The following PPFIA2 variants were observed in gnomAD, a reference collection of about 807,000 sequenced individuals.
PPFIA2 encodes the protein liprin-alpha-2.
Under a neutral mutation model 175.5 loss-of-function variants are expected in PPFIA2, and 46 were observed. The observed-to-expected ratio is 0.26, with a 90% CI of 0.21 to 0.34. The LOEUF is 0.34. Ranked by LOEUF, PPFIA2 falls within the 10% of genes least tolerant of loss-of-function variation. The pLI, the probability that PPFIA2 is intolerant of heterozygous loss-of-function variation, is 1.00. For synonymous variants in PPFIA2, 568 were observed against 511.4 expected, an observed-to-expected ratio of 1.11 and a Z score of -1.49; for missense variants, 1,179 against 1,506.1, an observed-to-expected ratio of 0.78 and a Z score of 3.60.
intron 24 of PPFIA2, 178 bp from the exon 25 acceptor site, chr12:81,284,481 A>C (rs1258070266): frequency 1.9e-6 from 1 of 527,400 alleles, no homozygotes; most frequent in East Asian, 2.8e-5. Flanking sequence ...TGTTTCTTCT[A>C]CTCAAAAAGA....
At chr12:81,695,397 A>C (rs925353971) in intron 3 of PPFIA2, among the ~76,000 whole-genome samples, 12 of 152,136 alleles carry the variant, frequency 7.9e-5, no homozygotes, top group African/African-American at 2.6e-4. Flanking sequence ...TGGTCATTTA[A>C]AATGTGGCAC....
At chr12:81,739,570 A>G (rs2082079832) in intron 3 of PPFIA2, among the ~76,000 whole-genome samples, 2 of 152,064 alleles carry the variant, frequency 1.3e-5, no homozygotes, top group South Asian at 4.1e-4. Context: ...CAATTCAATT[A>G]CCAATTTTTT....
rs1468391664 is a variant in PPFIA2 at position 81,353,301 on chromosome 12, T to A, written c.1812A>T (p.Gln604His). The A allele has an allele frequency of 4.3e-6, 7 of 1,613,578 alleles. No homozygotes were observed. The highest frequency in any genetic ancestry group is 5.9e-6 in the Non-Finnish European group (7 of 1,179,750). ...GGTGGCTGCTTAGTACTCCAATCTG[T>A]TGAGTTCTATTCCACTCGTGATCCC... Reference protein sequence around the residue: ...SLGDHEWNRTQQIGVLSSHPF... With the variant: ...SLGDHEWNRTHQIGVLSSHPF... The change falls in exon 17 of 33, where the codon CAA becomes CAT. Residue 604 changes from glutamine to histidine, a missense_variant. By Grantham distance (24) the Gln-to-His change is conservative. This residue lies in a region of PPFIA2 where 186 missense variants were observed against 163.6 expected (regional missense o/e 1.14). Coordinates refer to ENST00000549396, the MANE Select transcript of PPFIA2 (RefSeq NM_003625.5).
At chr12:81,432,148 T>C (rs2048203848) in intron 7 of PPFIA2, among the ~76,000 whole-genome samples, 1 of 152,190 alleles carries the variant, frequency 6.6e-6, no homozygotes, top group Non-Finnish European at 1.5e-5. Flanking sequence ...CTTTAAGTAC[T>C]ACTCAATGGC....
Position 81,520,842 on chromosome 12 carries a change from GGA to G in PPFIA2, c.304-62978_304-62977del, listed in dbSNP as rs554825503. The stretch of plus-strand genomic sequence containing the variant: ...ATCAGTGACAGTGCATGTGTCAAGA[GGA>G]GAGAGAGAGTAAGTAGGCAGGATTT... On this transcript the variant is annotated intron_variant, in intron 4 of 32. Coordinates refer to ENST00000549396, the MANE Select transcript of PPFIA2 (RefSeq NM_003625.5). 2.2e-4 allele frequency among the ~76,000 whole-genome samples: 34 copies of G among 152,232 alleles called. No individual in the cohort carries two copies. In the South Asian group the frequency reaches 6.6e-3, roughly 30 times the overall value.
intron 4 of PPFIA2, among the ~76,000 whole-genome samples, chr12:81,527,400 T>C (rs1340112407): frequency 6.6e-6 from 1 of 152,124 alleles, no homozygotes; most frequent in Non-Finnish European, 1.5e-5. Context: ...TAAAATTCTT[T>C]GAAGAAGTTG....
chr12:81,565,610 T>G (rs1241252557), intron 4 of PPFIA2, among the ~76,000 whole-genome samples: 3 of 152,162 alleles, frequency 2.0e-5, no homozygotes. Flanking sequence ...AGAAAAATAT[T>G]TTAATGAGGA....
chr12:81,292,776 A>T (rs1035943142), intron 24 of PPFIA2: 1 of 152,078 alleles, frequency 6.6e-6, no homozygotes, highest in Non-Finnish European at 1.5e-5. Flanking sequence ...TATCTTATTC[A>T]AGGGGCTATT....
intron 24 of PPFIA2, among the ~76,000 whole-genome samples, chr12:81,286,130 T>C (rs1332440956): frequency 6.6e-6 from 1 of 152,044 alleles, no homozygotes; most frequent in African/African-American, 2.4e-5. Flanking sequence ...AGGACAAGGA[T>C]ATAAAGAAAG....
intron 3 of PPFIA2, among the ~76,000 whole-genome samples, chr12:81,715,320 C>G (rs1477060988): frequency 6.6e-6 from 1 of 151,770 alleles, no homozygotes; most frequent in Non-Finnish European, 1.5e-5. Context: ...ATATCAATAG[C>G]TGAATCTACT....
At chr12:81,462,371 T>G (rs1002458740) in intron 4 of PPFIA2, among the ~76,000 whole-genome samples, 1 of 146,562 alleles carries the variant, frequency 6.8e-6, no homozygotes, top group Non-Finnish European at 1.5e-5. Flanking sequence ...CTAATTCTCT[T>G]ATCTCACTGA....
chr12:81,465,676 A>G (rs2055479099), intron 4 of PPFIA2, among the ~76,000 whole-genome samples: 1 of 152,146 alleles, frequency 6.6e-6, no homozygotes, highest in Non-Finnish European at 1.5e-5. Flanking sequence ...ACATGTAAAA[A>G]AATATGTATG....
At chr12:81,697,991 T>G (rs1039304269) in intron 3 of PPFIA2, among the ~76,000 whole-genome samples, 1 of 152,148 alleles carries the variant, frequency 6.6e-6, no homozygotes, top group Non-Finnish European at 1.5e-5. Context: ...CAGACACATT[T>G]GTTGAGCAAT....
At chr12:81,531,673 T>A (rs2064584316) in intron 4 of PPFIA2, among the ~76,000 whole-genome samples, 1 of 151,412 alleles carries the variant, frequency 6.6e-6, no homozygotes, top group Non-Finnish European at 1.5e-5. Flanking sequence ...CAGGGTCTAC[T>A]GTACCAGGAA....
chr12:81,438,733 C>G (rs910900306), intron 7 of PPFIA2, among the ~76,000 whole-genome samples: 10 of 151,912 alleles, frequency 6.6e-5, no homozygotes, highest in African/African-American at 2.4e-5. Context: ...TAATTTGATA[C>G]ATTCATATAA....
intron 4 of PPFIA2, among the ~76,000 whole-genome samples, chr12:81,631,646 T>G (rs544216149): frequency 1.3e-5 from 2 of 152,208 alleles, no homozygotes; most frequent in Non-Finnish European, 2.9e-5. Flanking sequence ...AACCTTGAAA[T>G]TGGAAGATAC....
chr12:81,495,806 T>C (rs1228048361), intron 4 of PPFIA2, among the ~76,000 whole-genome samples: 1 of 152,202 alleles, frequency 6.6e-6, no homozygotes, highest in Non-Finnish European at 1.5e-5. Flanking sequence ...CACAGTAAGA[T>C]CCTGTTTCCA....
At chr12:81,393,226 T>A (rs1254888808) in intron 8 of PPFIA2, among the ~76,000 whole-genome samples, 1 of 152,094 alleles carries the variant, frequency 6.6e-6, no homozygotes, top group Non-Finnish European at 1.5e-5. Flanking sequence ...GAGAAAAACA[T>A]TCATCTGTGA....
chr12:81,658,159 T>C (rs757469458), intron 4 of PPFIA2, among the ~76,000 whole-genome samples: 2 of 151,696 alleles, frequency 1.3e-5, no homozygotes, highest in African/African-American at 2.4e-5. Flanking sequence ...TCACAGCTAC[T>C]TGGGAGGCTG....
Sources: gnomAD v4.1 joint callset for allele counts (sites outside exome capture counted in the v4.1 genomes callset) on GRCh38, gnomAD v4.1.1 for gene constraint, gnomAD v4.1.1 regional missense constraint, MANE v1.5 for transcripts, NCBI Gene and HGNC (gene_info 2026-07-23, HGNC 2026-07-21) for gene names.